GRM8: variants seen among roughly 807,000 people sequenced by gnomAD.
GRM8 encodes glutamate metabotropic receptor 8.
A neutral mutation model predicts 87.2 loss-of-function variants in GRM8; 47 were observed. The ratio of observed to expected loss-of-function variants is 0.54; its 90% CI spans 0.43 to 0.69. GRM8 has a LOEUF of 0.69. Among genes scored for constraint, GRM8 ranks in the 30% least tolerant of loss-of-function variants. The pLI is 0.00. For missense variants in GRM8, 1,019 were observed against 1,139.2 expected (o/e 0.89, Z 1.52); for synonymous variants, 396 against 404.5 (o/e 0.98, Z 0.25).
At chr7:126,722,916 AAT>A (rs1278354410) in intron 7 of GRM8, among the ~76,000 whole-genome samples, 30 of 146,778 alleles carry the variant, frequency 2.0e-4, no homozygotes, top group Admixed American at 1.6e-3. Flanking sequence ...TTATATATAT[AAT>A]ATGTTATATA....
chr7:127,136,763 T>C (rs1180122857), intron 2 of GRM8, among the ~76,000 whole-genome samples: 1 of 151,822 alleles, frequency 6.6e-6, no homozygotes, highest in Non-Finnish European at 1.5e-5. Flanking sequence ...GGAGGATGTG[T>C]CAGCATTTGA....
At chr7:126,824,722 T>C (rs1209821888) in intron 6 of GRM8, among the ~76,000 whole-genome samples, 1 of 152,214 alleles carries the variant, frequency 6.6e-6, no homozygotes, top group Non-Finnish European at 1.5e-5. Flanking sequence ...TGGAAGTATC[T>C]TTTTAAGCAA....
Position 126,588,928 on chromosome 7 carries a change from A to C in GRM8, c.1494+20434T>G, listed in dbSNP as rs530859563. Reference sequence around the variant, plus strand: ...TGAGACAATTTAGAGAGCCAAGTGAAATACAGGAGTAGAGGAAGTGCCAGA... The same window carrying C: ...TGAGACAATTTAGAGAGCCAAGTGACATACAGGAGTAGAGGAAGTGCCAGA... On this transcript the variant is annotated intron_variant, in intron 8 of 10. Coordinates refer to ENST00000339582, the MANE Select transcript of GRM8 (RefSeq NM_000845.3). 4.1e-4 allele frequency among the ~76,000 whole-genome samples: 62 copies of C among 152,280 alleles called. 1 individual carries two copies. In the South Asian group the frequency reaches 5.2e-3, roughly 13 times the overall value.
intron 7 of GRM8, among the ~76,000 whole-genome samples, chr7:126,609,730 T>C (rs1435968916): frequency 6.6e-6 from 1 of 152,142 alleles, no homozygotes; most frequent in Non-Finnish European, 1.5e-5. Context: ...AGAAAGTAAA[T>C]GATGAGTATC....
chr7:126,791,240 CTTAAT>C (rs1427453804), intron 6 of GRM8, among the ~76,000 whole-genome samples: 11 of 152,112 alleles, frequency 7.2e-5, no homozygotes, highest in Admixed American at 7.2e-4. Context: ...TTAAAAAACA[CTTAAT>C]TTGAGATGTC....
Position 127,009,311 on chromosome 7 carries a change from G to T in GRM8, c.727+97185C>A, listed in dbSNP as rs537471002. Among the ~76,000 whole-genome samples the T allele has an allele frequency of 1.1e-3, 164 of 152,202 alleles. 1 individual carries two copies. Among genetic ancestry groups the T allele is most frequent in the African/African-American group, 3.8e-3 (159 of 41,556 alleles). On this transcript the variant is annotated intron_variant, in intron 3 of 10. Transcript: ENST00000339582. ...TTAAAAATGGCCTAAAAACTCATTA[G>T]CTGTATTTACATTAATTTGGAATTT...
intron 2 of GRM8, among the ~76,000 whole-genome samples, chr7:127,216,808 C>T (rs1796584387): frequency 6.6e-6 from 1 of 152,160 alleles, no homozygotes; most frequent in African/African-American, 2.4e-5. Context: ...AGCTCTTTTG[C>T]ACATATTCTT....
chr7:126,761,096 G>A (rs923017437), intron 7 of GRM8, among the ~76,000 whole-genome samples: 1 of 152,008 alleles, frequency 6.6e-6, no homozygotes, highest in African/African-American at 2.4e-5. Context: ...CACTGGGGAC[G>A]CTGAGGAAAG....
chr7:126,635,545 C>T (rs1024452424), intron 7 of GRM8, among the ~76,000 whole-genome samples: 2 of 152,042 alleles, frequency 1.3e-5, no homozygotes, highest in Admixed American at 1.3e-4. Flanking sequence ...AATTTGGGTA[C>T]ATCACAAAAT....
chr7:126,739,058 A>G (rs192708826), intron 7 of GRM8, among the ~76,000 whole-genome samples: 2 of 152,148 alleles, frequency 1.3e-5, no homozygotes, highest in African/African-American at 4.8e-5. Flanking sequence ...AGATTCCAGA[A>G]GGCTGAAGAG....
intron 8 of GRM8, among the ~76,000 whole-genome samples, chr7:126,566,729 C>T (rs1451797657): frequency 6.6e-6 from 1 of 152,136 alleles, no homozygotes; most frequent in East Asian, 1.9e-4. Flanking sequence ...ATTAGTATTC[C>T]TATCTTCACC....
At chr7:126,526,733 G>GA (rs1276917593) in intron 9 of GRM8, among the ~76,000 whole-genome samples, 3 of 152,070 alleles carry the variant, frequency 2.0e-5, no homozygotes, top group African/African-American at 4.8e-5. Context: ...AGCACAATCA[G>GA]AAAAAACAAA....
intron 7 of GRM8, among the ~76,000 whole-genome samples, chr7:126,768,927 CAA>C (rs775753477): frequency 3.0e-5 from 3 of 98,818 alleles, no homozygotes. Context: ...AGGAAAAATG[CAA>C]AAAAAAAAAA....
intron 3 of GRM8, among the ~76,000 whole-genome samples, chr7:127,077,713 C>T (rs1822432008): frequency 6.6e-6 from 1 of 152,164 alleles, no homozygotes; most frequent in African/African-American, 2.4e-5. Context: ...GGTAACAACC[C>T]CCTTGGTAAC....
intron 3 of GRM8, among the ~76,000 whole-genome samples, chr7:126,974,716 G>C (rs767329663): frequency 6.6e-6 from 1 of 151,990 alleles, no homozygotes; most frequent in Non-Finnish European, 1.5e-5. Context: ...GGCAGATCAC[G>C]AGGTCAGGAG....
chr7:126,928,461 C>T lies in GRM8; in HGVS notation c.728-23778G>A, dbSNP rs1764080185. ...CCAAGATGGGTGGATGGCTTTAGCT[C>T]AGGGGTTCAAGACCAGCCTGGGCAA... On this transcript the variant is annotated intron_variant, in intron 3 of 10. Coordinates refer to ENST00000339582, the MANE Select transcript of GRM8 (RefSeq NM_000845.3). Among the ~76,000 whole-genome samples the T allele has an allele frequency of 3.3e-5, 5 of 152,126 alleles. No homozygotes were observed. The South Asian group carries it at 1.0e-3, about 32-fold the overall frequency.
chr7:127,237,353 A>C (rs768056088), intron 2 of GRM8, among the ~76,000 whole-genome samples: 1 of 152,242 alleles, frequency 6.6e-6, no homozygotes, highest in Non-Finnish European at 1.5e-5. Flanking sequence ...TTATGAGTTC[A>C]TCTCTAGATG....
intron 3 of GRM8, among the ~76,000 whole-genome samples, chr7:127,075,263 G>GTTA (rs1257763616): frequency 1.3e-5 from 2 of 152,076 alleles, no homozygotes; most frequent in African/African-American, 4.8e-5. Context: ...GTTAATCACA[G>GTTA]GTAACAAATA....
At chr7:126,766,551 T>C (rs1177402671) in intron 7 of GRM8, among the ~76,000 whole-genome samples, 1 of 152,134 alleles carries the variant, frequency 6.6e-6, no homozygotes, top group Non-Finnish European at 1.5e-5. Context: ...TCACTGATCC[T>C]GGCAGACAAT....
Sources: allele counts gnomAD v4.1 joint callset (sites outside exome capture counted in the v4.1 genomes callset), GRCh38; gene constraint gnomAD v4.1.1; transcripts MANE v1.5; gene names NCBI Gene and HGNC (gene_info 2026-07-23, HGNC 2026-07-21).